GPR161: variants seen among roughly 807,000 people sequenced by gnomAD.
GPR161 encodes G-protein coupled receptor RE2.
Under a neutral mutation model 39.2 loss-of-function variants are expected in GPR161, and 25 were observed. That is an observed-to-expected ratio of 0.64 (90% CI 0.47 to 0.89). The LOEUF (loss-of-function observed/expected upper bound fraction) is 0.89. Among genes scored for constraint, GPR161 ranks in the 40% least tolerant of loss-of-function variants. The probability of loss-of-function intolerance (pLI) is 0.00; values close to 1 mark genes in which losing one functional copy is unlikely to be tolerated. For synonymous variants in GPR161, 286 were observed against 276.6 expected, an observed-to-expected ratio of 1.03 and a Z score of -0.34; for missense variants, 547 against 677.8, an observed-to-expected ratio of 0.81 and a Z score of 2.14.
In GPR161 at chr1:168,080,278, ACT is replaced by A. The variant is rs945107021; in HGVS notation, c.*5251_*5252del. 4 of 151,958 alleles carry A rather than the reference ACT, an allele frequency of 2.6e-5. No homozygotes were observed. Among genetic ancestry groups the A allele is most frequent in the African/African-American group, 9.7e-5 (4 of 41,334 alleles). The allele number at this position is 151,958 out of a possible 1,614,324, so 9.4% of individuals were successfully genotyped here. A position where few individuals can be genotyped will look rare whatever the true frequency, so the allele number is the denominator to read the frequency against. ...GCTGGCCTGTTCTGTGATACTGATGACTCTTAACTATACCTCATCTTCCTTGA... is the reference window on the plus strand; with the variant it reads ...GCTGGCCTGTTCTGTGATACTGATGACTTAACTATACCTCATCTTCCTTGA... On this transcript the variant is annotated 3_prime_UTR_variant, in exon 6 of 6. Transcript: ENST00000682931.
chr1:168,122,347 A>G (rs1404511124), intron 1 of GPR161, among the ~76,000 whole-genome samples: 1 of 151,982 alleles, frequency 6.6e-6, no homozygotes, highest in Non-Finnish European at 1.5e-5. Context: ...TGCTACCACC[A>G]CTCTGGTCCA....
At chr1:168,104,985 G>T in intron 1 of GPR161, 91 bp from the exon 2 acceptor site, 1 of 953,400 alleles carries the variant, frequency 1.0e-6, no homozygotes, top group Non-Finnish European at 1.6e-6. Context: ...AAGGGGTTAA[G>T]TGCTACGCCT....
At chr1:168,108,485 G>GGAAAAAAAAAAAAA (rs1696820684) in intron 1 of GPR161, among the ~76,000 whole-genome samples, 1 of 436 alleles carries the variant, frequency 2.3e-3, no homozygotes, top group African/African-American at 0.013. Flanking sequence ...GGCCCTAGTT[G>GGAAAAAAAAAAAAA]TAAAAAAAAA....
At chr1:168,092,320 C>A (rs1051473683) in intron 3 of GPR161, among the ~76,000 whole-genome samples, 1 of 152,170 alleles carries the variant, frequency 6.6e-6, no homozygotes, top group Non-Finnish European at 1.5e-5. Flanking sequence ...TTTTGGACAC[C>A]ATCTCTGAGG....
chr1:168,094,928 C>T (rs955222814), intron 3 of GPR161, among the ~76,000 whole-genome samples: 9 of 152,196 alleles, frequency 5.9e-5, no homozygotes, highest in Admixed American at 2.6e-4. Context: ...AGTATCTCCT[C>T]AGTTGTATTT....
At chr1:168,104,406 T>G in intron 2 of GPR161, 71 bp downstream of exon 2, 1 of 1,319,274 alleles carries the variant, frequency 7.6e-7, no homozygotes, top group East Asian at 2.3e-5. Flanking sequence ...ACTAAGGCAG[T>G]CAGAGGGACA....
Position 168,085,364 on chromosome 1 carries a change from A to G in GPR161, c.*167T>C. 1.6e-6 allele frequency: 1 copy of G among 637,386 alleles called. No homozygotes were observed. Among genetic ancestry groups the G allele is most frequent in the Non-Finnish European group, 2.7e-6 (1 of 363,682 alleles). The allele number at this position is 637,386 out of a possible 1,614,324, so 39.5% of individuals were successfully genotyped here. A position where few individuals can be genotyped will look rare whatever the true frequency, so the allele number is the denominator to read the frequency against. On this transcript the variant is annotated 3_prime_UTR_variant, in exon 6 of 6. Coordinates refer to ENST00000682931, the MANE Select transcript of GPR161 (RefSeq NM_001375883.1). ...AATGCTGAAGCTGTGGACTGTAGAC[A>G]TTATTTTCAGTCCTTGTCCTGGTGG...
chr1:168,100,666 G>T (rs184145186), intron 2 of GPR161, among the ~76,000 whole-genome samples: 1 of 152,290 alleles, frequency 6.6e-6, no homozygotes, highest in East Asian at 1.9e-4. Context: ...CAGAATCTAA[G>T]CCAATTTCAC....
chr1:168,096,427 C>T, intron 3 of GPR161, 81 bp downstream of exon 3: 1 of 1,416,920 alleles, frequency 7.1e-7, no homozygotes, highest in Non-Finnish European at 9.7e-7. Context: ...TGAGAACTCA[C>T]CCACAAACAG....
rs973418527 is a variant in GPR161, at chr1:168,136,797, A to ACCG, written c.-106_-104dup. The ACCG allele has an allele frequency of 6.3e-5, 62 of 982,414 alleles. No individual in the cohort carries two copies. Among genetic ancestry groups the ACCG allele is most frequent in the Middle Eastern group, 1.1e-3 (2 of 1,904 alleles). 60.9% of individuals were successfully genotyped at this position (982,414 alleles called of 1,614,324 possible). On this transcript the variant is annotated 5_prime_UTR_variant, in exon 1 of 6. Coordinates refer to ENST00000682931, the MANE Select transcript of GPR161 (RefSeq NM_001375883.1). ...GCCCAGCCGCCTCCCCGCCTCGGCC[A>ACCG]CCGCCGCCGCCGCTTCCTTCCTCCC... is the stretch of plus-strand genomic sequence containing the variant.
At position 168,084,583 on chromosome 1, in the gene GPR161, G is replaced by A; in HGVS notation, c.*948C>T. ...AATAGTAACTGTTGCTCTTGGGAGT[G>A]TGCCATGCAGAACTGAGGCCAGCTA... On this transcript the variant is annotated 3_prime_UTR_variant, in exon 6 of 6. Transcript: ENST00000682931. 2.8e-6 allele frequency: 1 copy of A among 357,694 alleles called. No homozygotes were observed. The highest frequency in any genetic ancestry group is 2.1e-5 in the South Asian group (1 of 46,612). The allele number at this position is 357,694 out of a possible 1,614,324, so 22.2% of individuals were successfully genotyped here.
At chr1:168,122,843 G>A (rs1698290427) in intron 1 of GPR161, among the ~76,000 whole-genome samples, 2 of 152,062 alleles carry the variant, frequency 1.3e-5, no homozygotes, top group South Asian at 2.1e-4. Context: ...GCACATGTGT[G>A]TGTTCTTATT....
chr1:168,117,502 C>T (rs112832181), intron 1 of GPR161, among the ~76,000 whole-genome samples: 4 of 151,992 alleles, frequency 2.6e-5, no homozygotes, highest in Non-Finnish European at 4.4e-5. Context: ...GTTACTTAAC[C>T]CCCCCCTGCA....
chr1:168,133,659 C>A (rs1262906759), intron 1 of GPR161, among the ~76,000 whole-genome samples: 3 of 152,130 alleles, frequency 2.0e-5, no homozygotes, highest in Non-Finnish European at 4.4e-5. Context: ...CAGGATCTTA[C>A]TATGTTGTCC....
At chr1:168,136,430 GGAGAAACGGGGCGGGCTGCACCCAGCA>G in intron 1 of GPR161, 1 of 1,353,698 alleles carries the variant, frequency 7.4e-7, no homozygotes, top group East Asian at 3.1e-5. Flanking sequence ...GGGCGGCGCC[GGAGAAACGGGGCGGGCTGCACCCAGCA>G]GAATGGGGTG....
intron 1 of GPR161, among the ~76,000 whole-genome samples, chr1:168,131,656 TGAA>T (rs1435367227): frequency 3.3e-5 from 5 of 152,154 alleles, no homozygotes; most frequent in Non-Finnish European, 5.9e-5. Context: ...AATTTACTCT[TGAA>T]GTAGGAGGGG....
At chr1:168,103,352 G>T (rs1188849932) in intron 2 of GPR161, among the ~76,000 whole-genome samples, 1 of 150,914 alleles carries the variant, frequency 6.6e-6, no homozygotes, top group East Asian at 1.9e-4. Flanking sequence ...CATCAACAGT[G>T]ATTGTTTCTG....
rs1694107286 is a variant in GPR161 at position 168,082,027 on chromosome 1, C to CAAA, written c.*3503_*3504insTTT. On this transcript the variant is annotated 3_prime_UTR_variant, in exon 6 of 6. Transcript: ENST00000682931. The stretch of plus-strand genomic sequence containing the variant: ...ATTCAGGGAAATCTGAAGAGACTAA[C>CAAA]CATCTGTCATTGTATCAAAGCATTT... The CAAA allele has an allele frequency of 6.6e-6, 1 of 152,240 alleles. No individual in the cohort carries two copies. Among genetic ancestry groups the CAAA allele is most frequent in the Admixed American group, 6.5e-5 (1 of 15,286 alleles). The allele number at this position is 152,240 out of a possible 1,614,324, so 9.4% of individuals were successfully genotyped here.
chr1:168,122,887 G>A (rs1002828422), intron 1 of GPR161, among the ~76,000 whole-genome samples: 2 of 152,182 alleles, frequency 1.3e-5, no homozygotes, highest in Non-Finnish European at 1.5e-5. Context: ...TCACAAGACT[G>A]TAGGTTCCAT....
Sources: gnomAD v4.1 joint callset for allele counts (sites outside exome capture counted in the v4.1 genomes callset) on GRCh38, gnomAD v4.1.1 for gene constraint, MANE v1.5 for transcripts, NCBI Gene and HGNC (gene_info 2026-07-23, HGNC 2026-07-21) for gene names.